The following GRM7 variants were observed in gnomAD, a reference collection of about 807,000 sequenced individuals.
GRM7 encodes metabotropic glutamate receptor 7.
In GRM7, 35 loss-of-function variants were observed where a neutral mutation model predicts 84.5. The ratio of observed to expected loss-of-function variants is 0.41; its 90% CI spans 0.32 to 0.55. The LOEUF (loss-of-function observed/expected upper bound fraction) is 0.55. Ranked by LOEUF, GRM7 falls within the 20% of genes least tolerant of loss-of-function variation. The pLI is 0.19. For synonymous variants in GRM7, 487 were observed against 455.1 expected (o/e 1.07, Z -0.89); for missense variants, 1,003 against 1,194.6 (o/e 0.84, Z 2.36).
At chr3:6,950,460 G>T (rs892099194) in intron 1 of GRM7, among the ~76,000 whole-genome samples, 16 of 152,152 alleles carry the variant, frequency 1.1e-4, no homozygotes, top group African/African-American at 3.6e-4. Context: ...GTGTCAGTAC[G>T]CCCCTACTGG....
intron 4 of GRM7, among the ~76,000 whole-genome samples, chr3:7,393,374 T>G (rs999906368): frequency 2.0e-5 from 3 of 152,166 alleles, no homozygotes; most frequent in Admixed American, 6.5e-5. Flanking sequence ...GAGGCCCTAG[T>G]GAGTCGAGGG....
At chr3:7,048,486 G>T (rs1181250498) in intron 1 of GRM7, among the ~76,000 whole-genome samples, 3 of 150,816 alleles carry the variant, frequency 2.0e-5, no homozygotes, top group Non-Finnish European at 4.4e-5. Context: ...AGGTTGTCAT[G>T]TTTAAAGAAA....
intron 8 of GRM7, among the ~76,000 whole-genome samples, chr3:7,634,751 G>A (rs113278096): frequency 0.13 from 20,185 of 150,472 alleles, 1,623 homozygotes; most frequent in Non-Finnish European, 0.18. Context: ...CCGAGATCGC[G>A]CCACTGCACT....
intron 7 of GRM7, among the ~76,000 whole-genome samples, chr3:7,463,530 C>T (rs1698335920): frequency 6.6e-6 from 1 of 151,956 alleles, no homozygotes. Flanking sequence ...AATGTGGTCC[C>T]TGTTCTTTCA....
chr3:7,699,950 G>C (rs906625972), intron 9 of GRM7, among the ~76,000 whole-genome samples: 1 of 152,110 alleles, frequency 6.6e-6, no homozygotes, highest in African/African-American at 2.4e-5. Flanking sequence ...AAGCTGCCTC[G>C]TCTGTCAACA....
intron 4 of GRM7, among the ~76,000 whole-genome samples, chr3:7,409,637 G>A (rs1047942541): frequency 6.6e-6 from 1 of 152,084 alleles, no homozygotes; most frequent in African/African-American, 2.4e-5. Context: ...GTCCCGCTCT[G>A]TCGCCCAGGC....
intron 1 of GRM7, among the ~76,000 whole-genome samples, chr3:7,069,634 C>T (rs1445991792): frequency 2.6e-5 from 4 of 152,084 alleles, no homozygotes; most frequent in Admixed American, 1.3e-4. Context: ...TGTTCATTGG[C>T]TTGGATCATA....
intron 5 of GRM7, among the ~76,000 whole-genome samples, chr3:7,416,020 G>A (rs1696144428): frequency 6.6e-6 from 1 of 152,122 alleles, no homozygotes; most frequent in Non-Finnish European, 1.5e-5. Context: ...AATGGACATT[G>A]GCTGGTTAGG....
intron 2 of GRM7, among the ~76,000 whole-genome samples, chr3:7,266,353 T>A (rs982509480): frequency 6.6e-6 from 1 of 152,198 alleles, no homozygotes; most frequent in Non-Finnish European, 1.5e-5. Context: ...AATTACTGCA[T>A]GAAATTACAA....
intron 4 of GRM7, among the ~76,000 whole-genome samples, chr3:7,402,379 A>G (rs531563147): frequency 6.6e-6 from 1 of 152,328 alleles, no homozygotes; most frequent in East Asian, 1.9e-4. Context: ...CACCTTTCCT[A>G]TTACTGCACC....
intron 1 of GRM7, among the ~76,000 whole-genome samples, chr3:6,908,193 T>C (rs1166837687): frequency 6.6e-6 from 1 of 152,180 alleles, no homozygotes; most frequent in African/African-American, 2.4e-5. Context: ...ATGTGAAAAG[T>C]AGATACCAAG....
intron 1 of GRM7, among the ~76,000 whole-genome samples, chr3:7,130,511 A>G (rs1051458206): frequency 6.6e-6 from 1 of 150,976 alleles, no homozygotes; most frequent in East Asian, 2.0e-4. Flanking sequence ...CCATTGCACT[A>G]CAACCCCAGT....
chr3:7,710,378 C>A (rs1448640809), intron 9 of GRM7, among the ~76,000 whole-genome samples: 1 of 152,164 alleles, frequency 6.6e-6, no homozygotes, highest in Non-Finnish European at 1.5e-5. Context: ...GCACAAAGTG[C>A]AGCCCTGTCA....
intron 2 of GRM7, among the ~76,000 whole-genome samples, chr3:7,240,122 T>TTTTTTTG (rs1415114343): frequency 7.7e-6 from 1 of 130,438 alleles, no homozygotes; most frequent in Non-Finnish European, 1.6e-5. Context: ...CATGTGAGGT[T>TTTTTTTG]TTTTTTTTTT....
intron 1 of GRM7, among the ~76,000 whole-genome samples, chr3:7,120,343 A>C (rs1477118454): frequency 1.3e-5 from 2 of 152,128 alleles, no homozygotes; most frequent in African/African-American, 2.4e-5. Flanking sequence ...TAATTTACAT[A>C]ATATTTTTAG....
intron 2 of GRM7, among the ~76,000 whole-genome samples, chr3:7,164,081 A>G (rs528354886): frequency 9.9e-5 from 15 of 152,200 alleles, no homozygotes; most frequent in Admixed American, 6.5e-4. Flanking sequence ...AACCATAGCC[A>G]CATGCAGTGG....
chr3:7,075,024 T>C (rs997361663), intron 1 of GRM7, among the ~76,000 whole-genome samples: 37 of 152,330 alleles, frequency 2.4e-4, no homozygotes, highest in African/African-American at 8.7e-4. Context: ...TTCTCTTCTA[T>C]CAGGGTCTCT....
intron 8 of GRM7, among the ~76,000 whole-genome samples, chr3:7,677,753 T>C (rs1575621235): frequency 6.6e-6 from 1 of 152,324 alleles, no homozygotes; most frequent in African/African-American, 2.4e-5. Context: ...AGAAAAAGTA[T>C]GTATGTTACT....
At chr3:6,933,744 A>G (rs569528692) in intron 1 of GRM7, among the ~76,000 whole-genome samples, 97 of 146,012 alleles carry the variant, frequency 6.6e-4, no homozygotes, top group African/African-American at 2.3e-3. Context: ...ATTAAAAAAA[A>G]AAACAAAACA....
Sources: allele counts gnomAD v4.1 joint callset (sites outside exome capture counted in the v4.1 genomes callset), GRCh38; gene constraint gnomAD v4.1.1; transcripts MANE v1.5; gene names NCBI Gene and HGNC (gene_info 2026-07-23, HGNC 2026-07-21).